Variants in GRIA4 observed in about 807,000 individuals in gnomAD.
GRIA4 encodes glutamate receptor 4.
Under a neutral mutation model 104.0 loss-of-function variants are expected in GRIA4, and 34 were observed. That is an observed-to-expected ratio of 0.33 (90% confidence interval 0.25 to 0.44). The LOEUF (loss-of-function observed/expected upper bound fraction) is 0.44, where lower values mean the gene tolerates loss of function less well. GRIA4 is among the 20% of genes least tolerant of loss of function. GRIA4 has a pLI of 1.00. For synonymous variants in GRIA4, 386 were observed against 381.9 expected (o/e 1.01, Z -0.13); for missense variants, 750 against 1,096.5 (o/e 0.68, Z 4.46).
intron 3 of GRIA4, among the ~76,000 whole-genome samples, chr11:105,648,506 CAAAG>C (rs757253672): frequency 3.8e-4 from 56 of 148,888 alleles, no homozygotes; most frequent in South Asian, 8.4e-4. Flanking sequence ...TTGAATGCCT[CAAAG>C]AGTTTAAAGA....
intron 4 of GRIA4, among the ~76,000 whole-genome samples, chr11:105,799,650 T>C (rs1942631946): frequency 6.6e-6 from 1 of 152,132 alleles, no homozygotes; most frequent in Admixed American, 6.6e-5. Context: ...CTGTGTGGAA[T>C]ATTTGCATGA....
chr11:105,748,419 G>T (rs950901153), intron 3 of GRIA4, among the ~76,000 whole-genome samples: 2 of 151,324 alleles, frequency 1.3e-5, no homozygotes, highest in Non-Finnish European at 2.9e-5. Flanking sequence ...TGCTCTTGCT[G>T]CCCAGGCTGG....
At chr11:105,949,461 T>C (rs1159512169) in intron 14 of GRIA4, among the ~76,000 whole-genome samples, 1 of 152,092 alleles carries the variant, frequency 6.6e-6, no homozygotes, top group Non-Finnish European at 1.5e-5. Flanking sequence ...GAAAAGAGTA[T>C]AAAGTACCCT....
At chr11:105,745,808 T>C (rs1185860323) in intron 3 of GRIA4, among the ~76,000 whole-genome samples, 1 of 152,148 alleles carries the variant, frequency 6.6e-6, no homozygotes, top group Non-Finnish European at 1.5e-5. Flanking sequence ...TTGTCTTGCT[T>C]AGCCTGGTTT....
chr11:105,775,056 G>A (rs376617158), intron 4 of GRIA4, among the ~76,000 whole-genome samples: 1 of 152,042 alleles, frequency 6.6e-6, no homozygotes, highest in African/African-American at 2.4e-5. Context: ...GCCTCCTCAG[G>A]CTTCCAGAGC....
intron 4 of GRIA4, among the ~76,000 whole-genome samples, chr11:105,789,172 G>T (rs1199466621): frequency 1.3e-5 from 2 of 151,986 alleles, no homozygotes; most frequent in East Asian, 3.9e-4. Context: ...GATAGAACTG[G>T]TAAAAACCAA....
chr11:105,893,337 T>A (rs1946522115), intron 6 of GRIA4, among the ~76,000 whole-genome samples: 1 of 152,166 alleles, frequency 6.6e-6, no homozygotes, highest in South Asian at 2.1e-4. Context: ...AAATAAATGT[T>A]TCTGAGAAAA....
At chr11:105,734,234 GTAAA>G (rs1389859316) in intron 3 of GRIA4, among the ~76,000 whole-genome samples, 6 of 151,710 alleles carry the variant, frequency 4.0e-5, no homozygotes, top group African/African-American at 1.5e-4. Flanking sequence ...CTCCACCTTG[GTAAA>G]TGGTAAACAC....
intron 7 of GRIA4, among the ~76,000 whole-genome samples, 192 bp from the exon 8 acceptor site, chr11:105,903,622 G>C (rs1189070782): frequency 6.6e-6 from 1 of 152,168 alleles, no homozygotes; most frequent in Non-Finnish European, 1.5e-5. Flanking sequence ...AGGATGATAA[G>C]ATTTGGTATA....
chr11:105,697,726 G>C (rs1428589152), intron 3 of GRIA4, among the ~76,000 whole-genome samples: 1 of 152,138 alleles, frequency 6.6e-6, no homozygotes, highest in Admixed American at 6.5e-5. Flanking sequence ...AGTGGGGGGA[G>C]GGGTGGTGCA....
chr11:105,889,099 G>A (rs1301435837), intron 6 of GRIA4, among the ~76,000 whole-genome samples: 3 of 152,020 alleles, frequency 2.0e-5, no homozygotes, highest in Non-Finnish European at 2.9e-5. Context: ...ATAGAATTGA[G>A]GGGAAAAAAA....
At chr11:105,964,922 T>C (rs1475167711) in intron 14 of GRIA4, among the ~76,000 whole-genome samples, 4 of 152,152 alleles carry the variant, frequency 2.6e-5, no homozygotes, top group Admixed American at 6.5e-5. Context: ...TTCTCCTGCT[T>C]CAGCCTCCTG....
intron 4 of GRIA4, among the ~76,000 whole-genome samples, chr11:105,758,431 T>C (rs1940436546): frequency 6.6e-6 from 1 of 152,176 alleles, no homozygotes; most frequent in Non-Finnish European, 1.5e-5. Flanking sequence ...TAGGTTTTCT[T>C]ACTGGTTCCT....
intron 4 of GRIA4, among the ~76,000 whole-genome samples, chr11:105,807,675 T>C (rs1384494702): frequency 6.6e-6 from 1 of 151,910 alleles, no homozygotes; most frequent in Non-Finnish European, 1.5e-5. Flanking sequence ...GACCTATACA[T>C]ATCCAATTAT....
At chr11:105,764,882 T>C (rs953874111) in intron 4 of GRIA4, among the ~76,000 whole-genome samples, 1 of 152,276 alleles carries the variant, frequency 6.6e-6, no homozygotes, top group East Asian at 1.9e-4. Context: ...TTATTGTTTC[T>C]TGTCTAAAAA....
chr11:105,699,422 A>T (rs976635614), intron 3 of GRIA4, among the ~76,000 whole-genome samples: 2 of 152,164 alleles, frequency 1.3e-5, no homozygotes, highest in African/African-American at 4.8e-5. Flanking sequence ...AGTTTCAGGC[A>T]TTGTCAATCT....
At chr11:105,769,245 T>C (rs567131576) in intron 4 of GRIA4, among the ~76,000 whole-genome samples, 70 of 152,208 alleles carry the variant, frequency 4.6e-4, no homozygotes, top group African/African-American at 1.7e-3. Context: ...TACAGCAATG[T>C]AAAACTGTGT....
intron 3 of GRIA4, among the ~76,000 whole-genome samples, chr11:105,736,359 T>C (rs1401191446): frequency 6.6e-6 from 1 of 152,146 alleles, no homozygotes; most frequent in Non-Finnish European, 1.5e-5. Context: ...ATTGAAAGAA[T>C]AGTCATTCTC....
chr11:105,738,557 T>C (rs1372092853), intron 3 of GRIA4, among the ~76,000 whole-genome samples: 3 of 152,184 alleles, frequency 2.0e-5, no homozygotes, highest in Non-Finnish European at 2.9e-5. Context: ...ATGAGAATAG[T>C]TGTTTCTAAA....
Sources: allele counts gnomAD v4.1 joint callset (sites outside exome capture counted in the v4.1 genomes callset), GRCh38; gene constraint gnomAD v4.1.1; transcripts MANE v1.5; gene names NCBI Gene and HGNC (gene_info 2026-07-23, HGNC 2026-07-21).